The following EPS15L1 variants were observed in gnomAD, a reference collection of about 807,000 sequenced individuals.
EPS15L1 encodes epidermal growth factor receptor pathway substrate 15 like 1, also known as epidermal growth factor receptor substrate 15-like 1.
Under a neutral mutation model 117.1 loss-of-function variants are expected in EPS15L1, and 43 were observed. That is an observed-to-expected ratio of 0.37 (90% CI 0.29 to 0.47). The LOEUF is 0.47. EPS15L1 is among the 20% of genes least tolerant of loss of function. The pLI, the probability that EPS15L1 is intolerant of heterozygous loss-of-function variation, is 0.99. For synonymous variants in EPS15L1, 459 were observed against 470.5 expected (o/e 0.98, Z 0.32); for missense variants, 981 against 1,164.0 (o/e 0.84, Z 2.29).
At chr19:16,392,204 C>T in intron 19 of EPS15L1, 100 bp downstream of exon 19, 1 of 1,362,856 alleles carries the variant, frequency 7.3e-7, no homozygotes, top group Non-Finnish European at 1.0e-6. Context: ...TCGCAGGCAC[C>T]ATGTACGCTC....
chr19:16,412,852 G>A, intron 13 of EPS15L1: 1 of 552,488 alleles, frequency 1.8e-6, no homozygotes, highest in African/African-American at 1.9e-5. Flanking sequence ...AGCTTGCAGA[G>A]GCAAGGCCGA....
intron 1 of EPS15L1, among the ~76,000 whole-genome samples, chr19:16,464,884 T>G (rs1013837035): frequency 6.6e-6 from 1 of 151,224 alleles, no homozygotes; most frequent in Non-Finnish European, 1.5e-5. Flanking sequence ...ATCGAGACCA[T>G]CCTGCCTAAC....
chr19:16,388,758 C>T (rs7251806), intron 19 of EPS15L1, among the ~76,000 whole-genome samples: 115,920 of 151,908 alleles, frequency 0.76, 45,096 homozygotes, highest in South Asian at 0.87. Context: ...ACCCGGGAGG[C>T]GGAGCTTGCA....
chr19:16,356,680 A>G (rs1382340494), intron 23 of EPS15L1: 1 of 152,212 alleles, frequency 6.6e-6, no homozygotes, highest in Admixed American at 6.5e-5. Flanking sequence ...TCAAGTTTTT[A>G]TCCGTGGGGT....
At chr19:16,448,377 A>T (rs2093105531) in intron 1 of EPS15L1, among the ~76,000 whole-genome samples, 1 of 151,910 alleles carries the variant, frequency 6.6e-6, no homozygotes, top group Non-Finnish European at 1.5e-5. Context: ...CTAAAAATGT[A>T]AAATTAGCCA....
intron 19 of EPS15L1, among the ~76,000 whole-genome samples, chr19:16,388,095 C>G (rs1437646606): frequency 1.3e-5 from 2 of 152,052 alleles, no homozygotes; most frequent in East Asian, 3.9e-4. Flanking sequence ...CAGGCTGGAG[C>G]GCAGTGGTGC....
chr19:16,425,483 T>C (rs1317140174), intron 8 of EPS15L1, among the ~76,000 whole-genome samples, 167 bp from the exon 9 acceptor site: 1 of 152,362 alleles, frequency 6.6e-6, no homozygotes, highest in Non-Finnish European at 1.5e-5. Flanking sequence ...TTATCTTTTA[T>C]GTGTAACTTT....
At position 16,388,428 on chromosome 19, in the gene EPS15L1, C is replaced by A. The variant is rs181461730; in HGVS notation, c.2104-2197G>T. Among the ~76,000 whole-genome samples, 530 of 152,294 alleles carry A rather than the reference C, an allele frequency of 3.5e-3. 4 individuals are homozygous for A. Among genetic ancestry groups the A allele is most frequent in the African/African-American group, 0.012 (490 of 41,564 alleles). On this transcript the variant is annotated intron_variant, in intron 19 of 23. Coordinates refer to ENST00000455140, the MANE Select transcript of EPS15L1 (RefSeq NM_001258374.3). ...AACAGTATAAACACCAAGAAAACTACACCCAGAAACTTCAAAAACTACTGA... is the reference window on the plus strand; with the variant it reads ...AACAGTATAAACACCAAGAAAACTAAACCCAGAAACTTCAAAAACTACTGA...
At chr19:16,426,653 G>A (rs145558313) in intron 8 of EPS15L1, among the ~76,000 whole-genome samples, 48 of 151,954 alleles carry the variant, frequency 3.2e-4, no homozygotes, top group African/African-American at 1.1e-3. Flanking sequence ...ACAGAACAAC[G>A]ACAACAAAAA....
intron 13 of EPS15L1, among the ~76,000 whole-genome samples, chr19:16,408,527 G>T (rs554513667): frequency 6.6e-6 from 1 of 152,040 alleles, no homozygotes; most frequent in South Asian, 2.1e-4. Context: ...GGGTGTGGGG[G>T]CACGCATCTG....
At chr19:16,437,264 A>G (rs1369697129) in intron 5 of EPS15L1, among the ~76,000 whole-genome samples, 1 of 152,226 alleles carries the variant, frequency 6.6e-6, no homozygotes, top group Non-Finnish European at 1.5e-5. Context: ...GAAATAACCC[A>G]CATGTCCAGA....
chr19:16,385,183 T>G lies in EPS15L1; in HGVS notation c.2193A>C (p.Gly731=). The G allele has an allele frequency of 6.2e-7, 1 of 1,614,102 alleles. No individual in the cohort carries two copies. The highest frequency in any genetic ancestry group is 1.1e-5 in the South Asian group (1 of 91,090). Residue 731 remains glycine (G), a synonymous_variant, in exon 21 of 24, where the codon GGA becomes GGC. Coordinates refer to ENST00000455140, the MANE Select transcript of EPS15L1 (RefSeq NM_001258374.3). The part of the protein sequence containing the change: ...SDPFGTLDPF[G]SGSFNSAEGF... ...CTTCAGCACTATTGAAGGACCCACT[T>G]CCGAAGGGATCTAAGGTTCCAAAGG...
intron 1 of EPS15L1, among the ~76,000 whole-genome samples, chr19:16,457,824 G>A (rs368904330): frequency 3.0e-4 from 45 of 151,892 alleles, no homozygotes; most frequent in Non-Finnish European, 5.7e-4. Context: ...ACCCATGAGC[G>A]GTCTCCCTGG....
intron 21 of EPS15L1, 61 bp downstream of exon 21, chr19:16,385,068 A>G (rs1472557195): frequency 6.0e-6 from 8 of 1,327,280 alleles, no homozygotes; most frequent in South Asian, 1.2e-5. Context: ...GGCAGCCCAC[A>G]CCATGACAAG....
chr19:16,412,624 T>C (rs1042265428), intron 13 of EPS15L1: 1 of 143,762 alleles, frequency 7.0e-6, no homozygotes, highest in African/African-American at 2.8e-5. Context: ...CCCATCTCTA[T>C]TTGGAAAAAT....
chr19:16,361,996 A>G lies in EPS15L1; in HGVS notation c.2381-12T>C. On this transcript the variant is annotated splice_polypyrimidine_tract_variant and intron_variant, in intron 22 of 23. Transcript: ENST00000455140. ...AGGTGTACTTTTACCTGGAAAGTTT[A>G]GGAGAAAAAAAAAAGGAGAAAGAAA... 1 of 1,575,798 alleles carries G rather than the reference A, an allele frequency of 6.3e-7. No individual in the cohort carries two copies.
intron 4 of EPS15L1, 45 bp from the exon 5 acceptor site, chr19:16,437,910 T>G (rs1457758494): frequency 6.9e-7 from 1 of 1,459,830 alleles, no homozygotes; most frequent in African/African-American, 1.4e-5. Flanking sequence ...ATATCGCCAG[T>G]GAGGGTAGGG....
At chr19:16,432,976 T>C (rs976997885) in intron 7 of EPS15L1, among the ~76,000 whole-genome samples, 1 of 147,586 alleles carries the variant, frequency 6.8e-6, no homozygotes, top group Non-Finnish European at 1.5e-5. Context: ...GGCTAGTTTT[T>C]TGTATTTTTT....
intron 22 of EPS15L1, among the ~76,000 whole-genome samples, chr19:16,362,788 G>A (rs1013648009): frequency 6.6e-6 from 1 of 152,066 alleles, no homozygotes; most frequent in African/African-American, 2.4e-5. Flanking sequence ...GGGATTACAG[G>A]CATGAGCCAC....
Sources: allele counts gnomAD v4.1 joint callset (sites outside exome capture counted in the v4.1 genomes callset), GRCh38; gene constraint gnomAD v4.1.1; transcripts MANE v1.5; gene names NCBI Gene and HGNC (gene_info 2026-07-23, HGNC 2026-07-21).